ROBO1: variants seen among roughly 807,000 people sequenced by gnomAD.
ROBO1 encodes the protein roundabout homolog 1.
A neutral mutation model predicts 195.9 loss-of-function variants in ROBO1; 149 were observed. That is an observed-to-expected ratio of 0.76 (90% CI 0.67 to 0.87). The LOEUF is 0.87. Ranked by LOEUF, ROBO1 falls within the 40% of genes least tolerant of loss-of-function variation. The pLI is 0.00. For missense variants in ROBO1, 1,933 were observed against 2,068.3 expected (o/e 0.93, Z 1.27); for synonymous variants, 816 against 733.2 (o/e 1.11, Z -1.82).
At chr3:79,143,168 T>C (rs2108617509) in intron 2 of ROBO1, among the ~76,000 whole-genome samples, 1 of 152,250 alleles carries the variant, frequency 6.6e-6, no homozygotes, top group East Asian at 1.9e-4. Flanking sequence ...GACTAAACTA[T>C]TTGTTAATGT....
intron 10 of ROBO1, among the ~76,000 whole-genome samples, chr3:78,675,054 A>G (rs1708315305): frequency 6.6e-6 from 1 of 152,114 alleles, no homozygotes; most frequent in African/African-American, 2.4e-5. Context: ...TACGTATCAT[A>G]TACAGAGGTA....
chr3:78,651,550 G>A (rs1235887481), intron 19 of ROBO1, among the ~76,000 whole-genome samples, 182 bp downstream of exon 19: 1 of 152,076 alleles, frequency 6.6e-6, no homozygotes, highest in African/African-American at 2.4e-5. Flanking sequence ...TCTATTTGTA[G>A]TTCTGCTATG....
intron 3 of ROBO1, among the ~76,000 whole-genome samples, chr3:78,953,093 T>C (rs1486137095): frequency 6.6e-6 from 1 of 152,014 alleles, no homozygotes; most frequent in South Asian, 2.1e-4. Context: ...TTAGAAAGAA[T>C]TTTGCCTCCC....
chr3:79,732,416 A>G (rs1442183192), intron 1 of ROBO1, among the ~76,000 whole-genome samples: 1 of 152,176 alleles, frequency 6.6e-6, no homozygotes, highest in African/African-American at 2.4e-5. Context: ...ATAAGGAAAT[A>G]GAATAGCTGT....
intron 1 of ROBO1, among the ~76,000 whole-genome samples, chr3:79,741,185 T>C (rs1286520118): frequency 6.6e-6 from 1 of 152,194 alleles, no homozygotes; most frequent in African/African-American, 2.4e-5. Flanking sequence ...GGGAGATCTT[T>C]TTCAGCAGAA....
intron 2 of ROBO1, among the ~76,000 whole-genome samples, chr3:79,550,195 G>GAAAGAAAGAAAGAAAGAAAGAAAGAAA: frequency 2.8e-4 from 28 of 100,836 alleles, no homozygotes; most frequent in African/African-American, 1.2e-3. Flanking sequence ...AAGAAAGAAA[G>GAAAGAAAGAAAGAAAGAAAGAAAGAAA]GAAAAGAAAA....
intron 22 of ROBO1, among the ~76,000 whole-genome samples, chr3:78,637,698 C>T (rs1247469140): frequency 6.6e-6 from 1 of 152,126 alleles, no homozygotes; most frequent in Non-Finnish European, 1.5e-5. Context: ...CTTATGATTA[C>T]ATGAGTATCT....
chr3:78,717,703 A>G, intron 6 of ROBO1, 60 bp downstream of exon 6: 1 of 1,569,904 alleles, frequency 6.4e-7, no homozygotes, highest in East Asian at 2.3e-5. Context: ...CCTTGTATAC[A>G]GACACAAAAT....
At position 78,860,569 on chromosome 3, in the gene ROBO1, C is replaced by A. The variant is rs929760650; in HGVS notation, c.499+78032G>T. ...TAAATGAGCTTAAAGAGGAAAGATT[C>A]CTCAATGTAAGTAACTAGTCTAACC... On this transcript the variant is annotated intron_variant, in intron 4 of 30. Transcript: ENST00000464233. Among the ~76,000 whole-genome samples, 6 of 151,836 alleles carry A rather than the reference C, an allele frequency of 4.0e-5. No individual in the cohort carries two copies. The East Asian group carries it at 1.2e-3, about 29-fold the overall frequency.
In ROBO1 at chr3:78,717,330, C is replaced by T. The variant is rs760767804; in HGVS notation, c.862G>A (p.Asp288Asn). 4 of 1,611,504 alleles carry T rather than the reference C, an allele frequency of 2.5e-6. No individual in the cohort carries two copies. The highest frequency in any genetic ancestry group is 2.5e-6 in the Non-Finnish European group (3 of 1,178,916). The change falls in exon 7 of 31, where the codon GAC becomes AAC. Residue 288 changes from aspartate to asparagine, a missense_variant. By Grantham distance (23) the Asp-to-Asn change is conservative (BLOSUM62 1). Coordinates refer to ENST00000464233, the MANE Select transcript of ROBO1 (RefSeq NM_002941.4). ...CTCCATCGTACTGTAGGTACAGGGT[C>T]ACCTCGGGCCTCACATTTAAATTCT... ...SAEFKCEARG[D>N]PVPTVRWRKD...
chr3:79,592,725 A>G (rs1166050432), intron 1 of ROBO1, among the ~76,000 whole-genome samples: 1 of 152,022 alleles, frequency 6.6e-6, no homozygotes, highest in African/African-American at 2.4e-5. Context: ...CAACTGATCA[A>G]CCTGCATTGA....
intron 2 of ROBO1, among the ~76,000 whole-genome samples, chr3:79,524,962 G>C (rs78146842): frequency 1.3e-5 from 2 of 151,808 alleles, no homozygotes; most frequent in African/African-American, 4.8e-5. Context: ...CATATATATA[G>C]AGAGAGAAAC....
At chr3:79,743,873 G>A (rs79445416) in intron 1 of ROBO1, among the ~76,000 whole-genome samples, 3,392 of 152,168 alleles carry the variant, frequency 0.022, 121 homozygotes, top group African/African-American at 0.078. Context: ...CAGAACAATA[G>A]CACACGGAGC....
chr3:79,712,401 C>G (rs1576268703), intron 1 of ROBO1, among the ~76,000 whole-genome samples: 2 of 152,240 alleles, frequency 1.3e-5, no homozygotes, highest in African/African-American at 4.8e-5. Context: ...CAAGCCACAA[C>G]ATTCCCTTAA....
intron 5 of ROBO1, among the ~76,000 whole-genome samples, chr3:78,741,441 T>G (rs2082532260): frequency 6.6e-6 from 1 of 152,194 alleles, no homozygotes; most frequent in Non-Finnish European, 1.5e-5. Flanking sequence ...GGAAAATATT[T>G]GTGATGTCTA....
intron 29 of ROBO1, among the ~76,000 whole-genome samples, chr3:78,600,545 C>T (rs777321021): frequency 1.2e-4 from 19 of 152,100 alleles, no homozygotes; most frequent in Non-Finnish European, 2.1e-4. Flanking sequence ...CACTCATAAG[C>T]TCTTGTCCAT....
chr3:79,419,196 G>A (rs2038122918), intron 2 of ROBO1, among the ~76,000 whole-genome samples: 1 of 152,016 alleles, frequency 6.6e-6, no homozygotes, highest in Non-Finnish European at 1.5e-5. Context: ...TGAGAGAGAG[G>A]GAGAAACCAG....
chr3:79,643,750 A>G (rs1326890899), intron 1 of ROBO1, among the ~76,000 whole-genome samples: 1 of 152,162 alleles, frequency 6.6e-6, no homozygotes, highest in Non-Finnish European at 1.5e-5. Context: ...ATGAAAAGCA[A>G]TGAATTAAAA....
At chr3:78,690,147 T>C (rs907535883) in intron 8 of ROBO1, among the ~76,000 whole-genome samples, 9 of 151,024 alleles carry the variant, frequency 6.0e-5, no homozygotes, top group African/African-American at 2.2e-4. Context: ...ATTAAAAACA[T>C]GTATATATTT....
Sources: gnomAD v4.1 joint callset for allele counts (sites outside exome capture counted in the v4.1 genomes callset) on GRCh38, gnomAD v4.1.1 for gene constraint, MANE v1.5 for transcripts, NCBI Gene and HGNC (gene_info 2026-07-23, HGNC 2026-07-21) for gene names.